Variants in COL25A1 observed in about 807,000 individuals in gnomAD.
The protein encoded by COL25A1 is collagen alpha-1(XXV) chain.
Under a neutral mutation model 128.4 loss-of-function variants are expected in COL25A1, and 103 were observed. The ratio of observed to expected loss-of-function variants is 0.80; its 90% CI spans 0.68 to 0.94. The LOEUF is 0.94. Among genes scored for constraint, COL25A1 ranks in the 40% least tolerant of loss-of-function variants. COL25A1 has a pLI of 0.00. For missense variants in COL25A1, 745 were observed against 840.0 expected, an observed-to-expected ratio of 0.89 and a Z score of 1.40; for synonymous variants, 279 against 277.2, an observed-to-expected ratio of 1.01 and a Z score of -0.06.
Position 108,848,818 on chromosome 4 carries a change from A to C in COL25A1, c.1390-15T>G. On this transcript the variant is annotated splice_polypyrimidine_tract_variant and intron_variant, in intron 26 of 37. Transcript: ENST00000399132. The stretch of plus-strand genomic sequence containing the variant: ...CCCTGCTCTCCCTATTAAGATAAAA[A>C]TAGATGACTTGCCTCCATTCTCATT... The C allele has an allele frequency of 6.2e-7, 1 of 1,602,552 alleles. No individual in the cohort carries two copies. Among genetic ancestry groups the C allele is most frequent in the Non-Finnish European group, 8.5e-7 (1 of 1,170,128 alleles).
chr4:109,067,531 C>T (rs1762554255), intron 3 of COL25A1, among the ~76,000 whole-genome samples: 1 of 152,156 alleles, frequency 6.6e-6, no homozygotes, highest in South Asian at 2.1e-4. Context: ...TGGTGCCAGA[C>T]AGGAACCTAA....
At chr4:109,043,758 A>C in intron 5 of COL25A1, among the ~76,000 whole-genome samples, 1 of 152,098 alleles carries the variant, frequency 6.6e-6, no homozygotes. Flanking sequence ...TCCATTTAAA[A>C]ACCCTAAAGT....
chr4:109,194,142 A>T (rs1288302603), intron 3 of COL25A1, among the ~76,000 whole-genome samples: 1 of 152,236 alleles, frequency 6.6e-6, no homozygotes, highest in Non-Finnish European at 1.5e-5. Flanking sequence ...ATATTTGGGC[A>T]AGAAGGAATG....
chr4:108,847,301 T>A (rs1350573970), intron 27 of COL25A1, among the ~76,000 whole-genome samples: 1 of 152,150 alleles, frequency 6.6e-6, no homozygotes, highest in Non-Finnish European at 1.5e-5. Context: ...CATTCTTCAG[T>A]AGAGATGATC....
chr4:108,823,032 G>A (rs1731961908), intron 35 of COL25A1, among the ~76,000 whole-genome samples: 1 of 152,166 alleles, frequency 6.6e-6, no homozygotes, highest in South Asian at 2.1e-4. Context: ...ATGGGTGGGA[G>A]GAGAGTCTAA....
intron 3 of COL25A1, among the ~76,000 whole-genome samples, chr4:109,272,507 C>A (rs890602107): frequency 6.6e-6 from 1 of 152,078 alleles, no homozygotes; most frequent in South Asian, 2.1e-4. Context: ...TAAGATTAGC[C>A]AAATAATCTC....
intron 3 of COL25A1, among the ~76,000 whole-genome samples, chr4:109,263,589 C>T (rs376845324): frequency 1.5e-4 from 23 of 152,152 alleles, no homozygotes; most frequent in South Asian, 6.2e-4. Context: ...AATCAATTGC[C>T]GTGGAAAACT....
intron 3 of COL25A1, among the ~76,000 whole-genome samples, chr4:109,226,065 C>T (rs952476306): frequency 1.3e-5 from 2 of 151,606 alleles, no homozygotes; most frequent in African/African-American, 4.8e-5. Flanking sequence ...AGAATGAAAT[C>T]ATGTCTTTTG....
chr4:109,120,321 A>G (rs918915303), intron 3 of COL25A1, among the ~76,000 whole-genome samples: 11 of 152,124 alleles, frequency 7.2e-5, no homozygotes, highest in Non-Finnish European at 1.5e-5. Flanking sequence ...ACAGGTTGGG[A>G]AGGAAAAAAT....
At chr4:109,283,384 C>G (rs1237143406) in intron 3 of COL25A1, among the ~76,000 whole-genome samples, 1 of 152,204 alleles carries the variant, frequency 6.6e-6, no homozygotes, top group South Asian at 2.1e-4. Context: ...GTAGCTGGGA[C>G]TACCGGCATG....
At chr4:109,115,635 T>A (rs1353724727) in intron 3 of COL25A1, among the ~76,000 whole-genome samples, 2 of 152,072 alleles carry the variant, frequency 1.3e-5, no homozygotes, top group African/African-American at 4.8e-5. Flanking sequence ...TGTGGAGATG[T>A]TAAGGATGTA....
chr4:108,981,021 T>C (rs1447049749), intron 6 of COL25A1, among the ~76,000 whole-genome samples: 2 of 152,224 alleles, frequency 1.3e-5, no homozygotes, highest in Admixed American at 1.3e-4. Context: ...ACTTGACTCA[T>C]AGTGCCAATG....
At chr4:108,917,383 G>C (rs1744999560) in intron 13 of COL25A1, among the ~76,000 whole-genome samples, 1 of 152,202 alleles carries the variant, frequency 6.6e-6, no homozygotes. Context: ...AGTATAAAAG[G>C]GCCAGGCCAA....
intron 3 of COL25A1, among the ~76,000 whole-genome samples, chr4:109,250,703 G>A (rs1780589436): frequency 6.6e-6 from 1 of 152,066 alleles, no homozygotes; most frequent in Non-Finnish European, 1.5e-5. Flanking sequence ...ATTGGGGTGG[G>A]CAATCTACTT....
At chr4:109,060,909 T>C (rs965206416) in intron 3 of COL25A1, among the ~76,000 whole-genome samples, 3 of 152,208 alleles carry the variant, frequency 2.0e-5, no homozygotes, top group African/African-American at 7.2e-5. Context: ...ATGCTGATGC[T>C]ATAGTTTGGG....
intron 8 of COL25A1, among the ~76,000 whole-genome samples, chr4:108,961,250 G>A (rs144879201): frequency 6.6e-6 from 1 of 152,136 alleles, no homozygotes; most frequent in Non-Finnish European, 1.5e-5. Flanking sequence ...ATTGGTGAGT[G>A]TAATTATGAG....
intron 35 of COL25A1, among the ~76,000 whole-genome samples, chr4:108,822,043 A>ATTTTTTTTTTTTTTT (rs10567518): frequency 0.11 from 9,791 of 87,830 alleles, 1,787 homozygotes; most frequent in South Asian, 0.17. Context: ...CCTAATGGTA[A>ATTTTTTTTTTTTTTT]TTTTTTTTTT....
rs1334407302 is a variant in COL25A1, at chr4:109,230,260, A to G, written c.367+70323T>C. Among the ~76,000 whole-genome samples the G allele has an allele frequency of 2.6e-5, 4 of 152,202 alleles. No homozygotes were observed. In the East Asian group the frequency reaches 7.7e-4, roughly 29 times the overall value. On this transcript the variant is annotated intron_variant, in intron 3 of 37. Coordinates refer to ENST00000399132, the MANE Select transcript of COL25A1 (RefSeq NM_198721.4). The stretch of plus-strand genomic sequence containing the variant: ...TGCAAATACAAAATCAATGAATAAT[A>G]AGGATCAACTATACTCTCACCATCA...
At chr4:109,105,442 C>T (rs1296865142) in intron 3 of COL25A1, among the ~76,000 whole-genome samples, 1 of 152,076 alleles carries the variant, frequency 6.6e-6, no homozygotes, top group Non-Finnish European at 1.5e-5. Flanking sequence ...CCACTGCACT[C>T]CAGCTTGGGA....
Sources: gnomAD v4.1 joint callset for allele counts (sites outside exome capture counted in the v4.1 genomes callset) on GRCh38, gnomAD v4.1.1 for gene constraint, MANE v1.5 for transcripts, NCBI Gene and HGNC (gene_info 2026-07-23, HGNC 2026-07-21) for gene names.